Variants in ATXN1 observed in about 807,000 individuals in gnomAD.
ATXN1 encodes the protein ataxin 1.
ATXN1 carries 8 observed loss-of-function variants against 56.4 expected under a neutral mutation model. The observed-to-expected ratio is 0.14, with a 90% CI of 0.08 to 0.26. The LOEUF is 0.26. Ranked by LOEUF, ATXN1 falls within the 10% of genes least tolerant of loss-of-function variation. The probability of loss-of-function intolerance (pLI) is 1.00; values close to 1 mark genes in which losing one functional copy is unlikely to be tolerated. For synonymous variants in ATXN1, 514 were observed against 494.6 expected, an observed-to-expected ratio of 1.04 and a Z score of -0.52; for missense variants, 987 against 1,106.5, an observed-to-expected ratio of 0.89 and a Z score of 1.53.
chr6:16,633,694 A>G (rs6930762), intron 3 of ATXN1, among the ~76,000 whole-genome samples: 32,357 of 152,092 alleles, frequency 0.21, 7,042 homozygotes, highest in African/African-American at 0.56. Context: ...GTCCAGGAGG[A>G]TTAGAGCAAA....
intron 4 of ATXN1, among the ~76,000 whole-genome samples, chr6:16,552,476 C>T (rs977398445): frequency 2.0e-5 from 3 of 152,212 alleles, no homozygotes; most frequent in Non-Finnish European, 4.4e-5. Context: ...CGAAGCAGCA[C>T]CTTCATTCAC....
At chr6:16,346,586 A>AGTCATAGCCAG (rs1172660789) in intron 6 of ATXN1, among the ~76,000 whole-genome samples, 1 of 152,228 alleles carries the variant, frequency 6.6e-6, no homozygotes, top group Non-Finnish European at 1.5e-5. Context: ...ATTCAGTGTC[A>AGTCATAGCCAG]TGTTAGACCG....
In ATXN1 at chr6:16,327,690, C is replaced by CTGA. The variant is rs1760864022; in HGVS notation, c.620_621insTCA (p.Gln206_Gln207insHis). 4 of 1,410,284 alleles carry CTGA rather than the reference C, an allele frequency of 2.8e-6. No homozygotes were observed. Among genetic ancestry groups the CTGA allele is most frequent in the African/African-American group, 3.0e-5 (2 of 66,342 alleles). The allele number at this position is 1,410,284 out of a possible 1,614,324, so 87.4% of individuals were successfully genotyped here. On this transcript the variant is annotated inframe_insertion, in exon 7 of 8. Transcript: ENST00000436367. The stretch of plus-strand genomic sequence containing the variant: ...GCTGCTGCTGCTGATGCTGATGCTG[C>CTGA]TGCTGCTGCTGCTGCTGCTGCTGCT...
chr6:16,477,017 G>A (rs1352145937), intron 6 of ATXN1, among the ~76,000 whole-genome samples: 1 of 152,228 alleles, frequency 6.6e-6, no homozygotes, highest in Admixed American at 6.5e-5. Flanking sequence ...TTTTAGTCGT[G>A]AAGGGAAAGG....
chr6:16,747,908 A>G (rs1319094476), intron 2 of ATXN1, among the ~76,000 whole-genome samples: 4 of 152,160 alleles, frequency 2.6e-5, no homozygotes, highest in Non-Finnish European at 4.4e-5. Context: ...CTTTTGCTGC[A>G]CGTTTTATTC....
At chr6:16,550,965 T>A (rs968379469) in intron 4 of ATXN1, among the ~76,000 whole-genome samples, 1 of 152,208 alleles carries the variant, frequency 6.6e-6, no homozygotes, top group African/African-American at 2.4e-5. Context: ...TTATGCAACT[T>A]GCCTAAATAA....
At chr6:16,374,843 T>G (rs183449779) in intron 6 of ATXN1, among the ~76,000 whole-genome samples, 1 of 152,370 alleles carries the variant, frequency 6.6e-6, no homozygotes, top group East Asian at 1.9e-4. Flanking sequence ...GCTGCAGAGT[T>G]ACCTGCACGC....
At chr6:16,477,381 G>A (rs957108866) in intron 6 of ATXN1, among the ~76,000 whole-genome samples, 6 of 152,154 alleles carry the variant, frequency 3.9e-5, no homozygotes, top group South Asian at 2.1e-4. Context: ...GATCCAAATC[G>A]GAAAATGGCA....
At chr6:16,408,210 C>CA (rs1242181278) in intron 6 of ATXN1, among the ~76,000 whole-genome samples, 1 of 152,064 alleles carries the variant, frequency 6.6e-6, no homozygotes, top group Non-Finnish European at 1.5e-5. Flanking sequence ...CTGTACTTGG[C>CA]AACAAAATAA....
intron 3 of ATXN1, among the ~76,000 whole-genome samples, chr6:16,591,194 C>G (rs1762716850): frequency 6.6e-6 from 1 of 152,120 alleles, no homozygotes; most frequent in Non-Finnish European, 1.5e-5. Flanking sequence ...TGGTCTCCAG[C>G]AATCTTCCCA....
intron 4 of ATXN1, among the ~76,000 whole-genome samples, chr6:16,566,759 G>C (rs1762229991): frequency 6.6e-6 from 1 of 152,086 alleles, no homozygotes. Flanking sequence ...GGGAGGCTGA[G>C]GCAGGAGAAT....
intron 1 of ATXN1, among the ~76,000 whole-genome samples, chr6:16,759,584 C>T (rs996161612): frequency 7.8e-6 from 1 of 128,828 alleles, no homozygotes; most frequent in African/African-American, 3.0e-5. Flanking sequence ...CAGCAATTTC[C>T]CTCTTCTCAA....
At chr6:16,678,538 C>A (rs1373545653) in intron 2 of ATXN1, among the ~76,000 whole-genome samples, 1 of 152,086 alleles carries the variant, frequency 6.6e-6, no homozygotes, top group Non-Finnish European at 1.5e-5. Flanking sequence ...AATGAGAAAT[C>A]AGAGACAGAA....
rs764254890 is a variant in ATXN1 at position 16,328,195 on chromosome 6, C to T, written c.116G>A (p.Arg39Gln). 44 of 1,597,366 alleles carry T rather than the reference C, an allele frequency of 2.8e-5. No homozygotes were observed. The highest frequency in any genetic ancestry group is 1.0e-4 in the Admixed American group (6 of 58,746). Residue 39 changes from arginine to glutamine, a missense_variant, in exon 7 of 8, where the codon CGG becomes CAG. Physicochemically the swap from Arg to Gln is conservative, Grantham distance 43 (BLOSUM62 1). Around this residue, in one of 3 missense-constraint regions of ATXN1, gnomAD observed 723 missense variants for 791.7 expected, o/e 0.91. Transcript: ENST00000436367. The surrounding 1 kb of genome is among the most constrained non-coding windows in gnomAD (Gnocchi z 6.2). ...KAPTLPSDNHRVEGTAWLPGN... is the reference protein window; with the variant it reads ...KAPTLPSDNHQVEGTAWLPGN... The stretch of plus-strand genomic sequence containing the variant: ...CGGGAGCCATGCTGTGCCCTCCACC[C>T]GGTGGTTGTCGCTGGGCAGGGTAGG...
At chr6:16,347,610 GTATC>G (rs961829326) in intron 6 of ATXN1, among the ~76,000 whole-genome samples, 19 of 152,280 alleles carry the variant, frequency 1.2e-4, no homozygotes, top group African/African-American at 4.6e-4. Context: ...TCCACACTCT[GTATC>G]TAGCTACTCT....
intron 4 of ATXN1, among the ~76,000 whole-genome samples, chr6:16,547,790 G>C (rs1333566677): frequency 6.6e-6 from 1 of 152,104 alleles, no homozygotes; most frequent in Non-Finnish European, 1.5e-5. Context: ...CTTTTTACAA[G>C]GAGATGAGTC....
intron 3 of ATXN1, among the ~76,000 whole-genome samples, chr6:16,589,044 C>G (rs1287882988): frequency 6.6e-6 from 1 of 152,170 alleles, no homozygotes; most frequent in East Asian, 1.9e-4. Context: ...TCTTGTTTCC[C>G]TCATCTCCAC....
intron 6 of ATXN1, among the ~76,000 whole-genome samples, chr6:16,374,543 T>C (rs1226648199): frequency 6.6e-6 from 1 of 152,186 alleles, no homozygotes; most frequent in Non-Finnish European, 1.5e-5. Flanking sequence ...CCTCTGGACT[T>C]TAATGAACAA....
intron 2 of ATXN1, among the ~76,000 whole-genome samples, chr6:16,663,118 G>C (rs113599607): frequency 6.6e-6 from 1 of 151,738 alleles, no homozygotes; most frequent in African/African-American, 2.4e-5. Context: ...GATTACAGGC[G>C]TCCACCACCA....
Sources: allele counts gnomAD v4.1 joint callset (sites outside exome capture counted in the v4.1 genomes callset), GRCh38; gene constraint gnomAD v4.1.1; regional missense constraint gnomAD v4.1.1; non-coding constraint Gnocchi (gnomAD v3.1); transcripts MANE v1.5; gene names NCBI Gene and HGNC (gene_info 2026-07-23, HGNC 2026-07-21).